The following NCOA2 variants were observed in gnomAD, a reference collection of about 807,000 sequenced individuals.
NCOA2 encodes the protein nuclear receptor coactivator 2, also known as class E basic helix-loop-helix protein 75.
In NCOA2, 21 loss-of-function variants were observed where a neutral mutation model predicts 145.1. That is an observed-to-expected ratio of 0.14 (90% CI 0.10 to 0.21). The LOEUF (loss-of-function observed/expected upper bound fraction) is 0.21. NCOA2 is among the 10% of genes least tolerant of loss of function. The pLI is 1.00. For missense variants in NCOA2, 1,472 were observed against 1,837.6 expected, an observed-to-expected ratio of 0.80 and a Z score of 3.64; for synonymous variants, 619 against 637.5, an observed-to-expected ratio of 0.97 and a Z score of 0.44.
intron 1 of NCOA2, among the ~76,000 whole-genome samples, chr8:70,318,816 TAC>T (rs561689629): frequency 8.0e-4 from 122 of 152,252 alleles, no homozygotes; most frequent in Admixed American, 1.3e-3. Context: ...AGGGCAGGAC[TAC>T]AGTTTACAGC....
Position 70,213,372 on chromosome 8 carries a change from T to C in NCOA2, c.259+531A>G, listed in dbSNP as rs539992529. ...GAAAACCATAGGAAGAGAGCTGTCA[T>C]GTTCTATGTTTCAAGTTCACAGATG... On this transcript the variant is annotated intron_variant, in intron 4 of 22. Transcript: ENST00000452400. Among the ~76,000 whole-genome samples, 104 of 152,342 alleles carry C rather than the reference T, an allele frequency of 6.8e-4. 1 individual carries two copies. Among genetic ancestry groups the C allele is most frequent in the African/African-American group, 2.3e-3 (95 of 41,576 alleles).
intron 2 of NCOA2, among the ~76,000 whole-genome samples, chr8:70,239,955 A>G (rs572904727): frequency 6.6e-6 from 1 of 152,334 alleles, no homozygotes; most frequent in South Asian, 2.1e-4. Context: ...ACAGTCAACA[A>G]GTTCATGATT....
At chr8:70,444,984 T>C in the NCOA2 span, among the ~76,000 whole-genome samples, 2 of 152,228 alleles carry the variant, frequency 1.3e-5, no homozygotes, top group Non-Finnish European at 2.9e-5. Context: ...CAAATGTGTC[T>C]ACTACTTAAG....
chr8:70,453,088 T>C, the NCOA2 span, among the ~76,000 whole-genome samples: 2 of 151,864 alleles, frequency 1.3e-5, no homozygotes, highest in African/African-American at 4.8e-5. Context: ...TGCCCCAACC[T>C]AACAAACTTT....
Position 70,280,918 on chromosome 8 carries a change from G to A in NCOA2, c.-20+15826C>T, listed in dbSNP as rs114127448. Among the ~76,000 whole-genome samples the A allele has an allele frequency of 1.5e-3, 231 of 151,994 alleles. 1 individual carries two copies. The highest frequency in any genetic ancestry group is 5.4e-3 in the African/African-American group (224 of 41,448). On this transcript the variant is annotated intron_variant, in intron 2 of 22. Coordinates refer to ENST00000452400, the MANE Select transcript of NCOA2 (RefSeq NM_006540.4). ...TCTTAAGAATGGGAGGCCAGTGTGA[G>A]CTCTGTGGAGAGCATGTCACACGAG...
In NCOA2 at chr8:70,151,584, G is replaced by A. The variant is rs368194664; in HGVS notation, c.2395-3101C>T. Among the ~76,000 whole-genome samples, 5 of 152,194 alleles carry A rather than the reference G, an allele frequency of 3.3e-5. No homozygotes were observed. The South Asian group carries it at 6.2e-4, about 19-fold the overall frequency. ...ATTACAGGTGTGAGCCATCGCGCCC[G>A]GCCTAAATACATTTTTCTTAAGAAA... is the stretch of plus-strand genomic sequence containing the variant. On this transcript the variant is annotated intron_variant, in intron 11 of 22. Coordinates refer to ENST00000452400, the MANE Select transcript of NCOA2 (RefSeq NM_006540.4).
chr8:70,281,623 A>T (rs890573904), intron 2 of NCOA2, among the ~76,000 whole-genome samples: 1 of 152,164 alleles, frequency 6.6e-6, no homozygotes, highest in Non-Finnish European at 1.5e-5. Flanking sequence ...TAGCAGCAAA[A>T]GTAACAACAC....
chr8:70,265,226 G>A (rs1824468944), intron 2 of NCOA2, among the ~76,000 whole-genome samples: 1 of 152,186 alleles, frequency 6.6e-6, no homozygotes, highest in Admixed American at 6.5e-5. Context: ...AGAGACCAGA[G>A]ACTTCCCCTT....
intron 1 of NCOA2, among the ~76,000 whole-genome samples, chr8:70,378,709 C>T (rs543340418): frequency 1.2e-3 from 172 of 140,000 alleles, no homozygotes; most frequent in Admixed American, 1.9e-3. Context: ...GCAAGTTATT[C>T]GAGTTCCAAA....
chr8:70,124,248 C>G (rs941194111), intron 20 of NCOA2, among the ~76,000 whole-genome samples, 166 bp from the exon 21 acceptor site: 1 of 152,092 alleles, frequency 6.6e-6, no homozygotes, highest in African/African-American at 2.4e-5. Flanking sequence ...GAAGCCGAGA[C>G]AGCAGGGGAA....
chr8:70,203,170 G>A (rs1374585730), intron 4 of NCOA2, among the ~76,000 whole-genome samples: 1 of 148,676 alleles, frequency 6.7e-6, no homozygotes, highest in Admixed American at 6.9e-5. Context: ...GGCTGACGCA[G>A]AAGAATCACT....
chr8:70,212,483 T>G (rs1399595795), intron 4 of NCOA2, among the ~76,000 whole-genome samples: 1 of 152,140 alleles, frequency 6.6e-6, no homozygotes, highest in Non-Finnish European at 1.5e-5. Flanking sequence ...AAGACTGATT[T>G]GCAGAGTGGG....
chr8:70,210,386 G>A (rs955809320), intron 4 of NCOA2, among the ~76,000 whole-genome samples: 3 of 152,046 alleles, frequency 2.0e-5, no homozygotes, highest in Non-Finnish European at 4.4e-5. Context: ...GATTATGAAT[G>A]TCGGCCAAAA....
intron 5 of NCOA2, among the ~76,000 whole-genome samples, chr8:70,173,144 T>A (rs879684080): frequency 1.3e-5 from 2 of 152,224 alleles, no homozygotes; most frequent in Non-Finnish European, 2.9e-5. Flanking sequence ...AGAAGACTAT[T>A]CTGAATGACA....
At chr8:70,324,587 C>A (rs1022954622) in intron 1 of NCOA2, among the ~76,000 whole-genome samples, 1 of 152,130 alleles carries the variant, frequency 6.6e-6, no homozygotes, top group South Asian at 2.1e-4. Context: ...GCAATCCACC[C>A]GCCTTGGCCT....
intron 1 of NCOA2, among the ~76,000 whole-genome samples, chr8:70,316,940 T>C (rs1419580927): frequency 6.6e-6 from 1 of 152,138 alleles, no homozygotes. Context: ...TCCCCTGTCT[T>C]CCTCACACTG....
intron 2 of NCOA2, among the ~76,000 whole-genome samples, chr8:70,231,144 T>C (rs556473681): frequency 6.6e-6 from 1 of 152,336 alleles, no homozygotes; most frequent in African/African-American, 2.4e-5. Context: ...CAAACTGTTT[T>C]CCAAGAAGAC....
At chr8:70,313,902 G>A (rs985743938) in intron 1 of NCOA2, among the ~76,000 whole-genome samples, 5 of 151,942 alleles carry the variant, frequency 3.3e-5, no homozygotes, top group African/African-American at 9.7e-5. Context: ...CGGGCAAGGC[G>A]GCTCACGCCT....
chr8:70,266,094 G>A (rs1197206250), intron 2 of NCOA2, among the ~76,000 whole-genome samples: 6 of 152,202 alleles, frequency 3.9e-5, no homozygotes, highest in Non-Finnish European at 1.5e-5. Context: ...AGGTTGCAGT[G>A]AGCCGAAATC....
Sources: allele counts gnomAD v4.1 joint callset (sites outside exome capture counted in the v4.1 genomes callset), GRCh38; gene constraint gnomAD v4.1.1; transcripts MANE v1.5; gene names NCBI Gene and HGNC (gene_info 2026-07-23, HGNC 2026-07-21).